HS3ST4: variants seen among roughly 807,000 people sequenced by gnomAD.
HS3ST4 encodes heparan sulfate-glucosamine 3-sulfotransferase 4, also known as heparan sulfate glucosamine 3-O-sulfotransferase 4.
In HS3ST4, 17 loss-of-function variants were observed where a neutral mutation model predicts 29.2. The ratio of observed to expected loss-of-function variants is 0.58; its 90% CI spans 0.40 to 0.87. The LOEUF (loss-of-function observed/expected upper bound fraction) is 0.87, where lower values mean the gene tolerates loss of function less well. Ranked by LOEUF, HS3ST4 falls within the 40% of genes least tolerant of loss-of-function variation. The pLI is 0.00. For missense variants in HS3ST4, 627 were observed against 634.5 expected (o/e 0.99, Z 0.13); for synonymous variants, 314 against 285.7 (o/e 1.10, Z -1.00).
chr16:26,127,297 C>A (rs1244327143), intron 1 of HS3ST4, among the ~76,000 whole-genome samples: 1 of 152,196 alleles, frequency 6.6e-6, no homozygotes, highest in Non-Finnish European at 1.5e-5. Flanking sequence ...ATCCCTGCTG[C>A]CATGCCTTAA....
At chr16:25,858,979 C>T (rs181264412) in intron 1 of HS3ST4, among the ~76,000 whole-genome samples, 2 of 152,188 alleles carry the variant, frequency 1.3e-5, no homozygotes, top group East Asian at 3.9e-4. Context: ...CTCAAACCTA[C>T]TCTTTCCTCT....
At chr16:25,876,350 A>G (rs1227973617) in intron 1 of HS3ST4, among the ~76,000 whole-genome samples, 1 of 152,136 alleles carries the variant, frequency 6.6e-6, no homozygotes, top group Non-Finnish European at 1.5e-5. Context: ...GGCCTCAGGT[A>G]TGGCTGGATT....
intron 1 of HS3ST4, among the ~76,000 whole-genome samples, chr16:25,872,641 G>A (rs1596597953): frequency 6.6e-6 from 1 of 152,318 alleles, no homozygotes; most frequent in East Asian, 1.9e-4. Context: ...CAACAAAAGA[G>A]CTAGCCCTAA....
chr16:25,784,912 C>G (rs1295094929), intron 1 of HS3ST4, among the ~76,000 whole-genome samples: 1 of 152,154 alleles, frequency 6.6e-6, no homozygotes, highest in African/African-American at 2.4e-5. Flanking sequence ...GAAGTCAATG[C>G]CTGGCTTCAA....
intron 1 of HS3ST4, among the ~76,000 whole-genome samples, chr16:25,725,876 A>G (rs1234520610): frequency 6.6e-6 from 1 of 152,116 alleles, no homozygotes; most frequent in Non-Finnish European, 1.5e-5. Flanking sequence ...TACACATAGA[A>G]TATTGTCATA....
chr16:25,779,001 TACACACAC>T (rs1056103718), intron 1 of HS3ST4, among the ~76,000 whole-genome samples: 1 of 151,422 alleles, frequency 6.6e-6, no homozygotes. Flanking sequence ...TCTGTGTCTC[TACACACAC>T]ACACACACGC....
intron 1 of HS3ST4, among the ~76,000 whole-genome samples, chr16:25,930,746 A>G (rs8060228): frequency 0.019 from 2,837 of 152,186 alleles, 120 homozygotes; most frequent in African/African-American, 0.065. Flanking sequence ...TAGCCACTCC[A>G]GATTTATGTC....
At chr16:25,763,909 A>G (rs1469616329) in intron 1 of HS3ST4, among the ~76,000 whole-genome samples, 2 of 152,216 alleles carry the variant, frequency 1.3e-5, no homozygotes, top group South Asian at 2.1e-4. Flanking sequence ...AGATGGGGAC[A>G]GGAAAGGTTG....
chr16:26,133,792 TTGTC>T (rs1475465448), intron 1 of HS3ST4, among the ~76,000 whole-genome samples: 1 of 152,224 alleles, frequency 6.6e-6, no homozygotes, highest in East Asian at 1.9e-4. Context: ...TAGGGGATCT[TTGTC>T]TGTATTAAGT....
intron 1 of HS3ST4, among the ~76,000 whole-genome samples, chr16:26,017,971 A>C (rs1969376513): frequency 6.6e-6 from 1 of 152,220 alleles, no homozygotes; most frequent in African/African-American, 2.4e-5. Flanking sequence ...ACAGGATTCT[A>C]GAATCTGTTT....
chr16:25,709,681 A>T (rs1248370563), intron 1 of HS3ST4, among the ~76,000 whole-genome samples: 1 of 151,842 alleles, frequency 6.6e-6, no homozygotes. Context: ...TCTTTAACCG[A>T]GAGGGGAAGA....
chr16:25,719,840 T>A (rs1362955603), intron 1 of HS3ST4, among the ~76,000 whole-genome samples: 2 of 152,212 alleles, frequency 1.3e-5, no homozygotes, highest in African/African-American at 2.4e-5. Flanking sequence ...TTTATTTTTT[T>A]AAAATCTGTT....
At chr16:26,132,143 T>C (rs553710139) in intron 1 of HS3ST4, among the ~76,000 whole-genome samples, 2 of 152,194 alleles carry the variant, frequency 1.3e-5, no homozygotes, top group African/African-American at 4.8e-5. Flanking sequence ...AGGAAGGGAC[T>C]GCATCCGTTT....
At chr16:25,969,279 G>A (rs112712474) in intron 1 of HS3ST4, among the ~76,000 whole-genome samples, 13,365 of 152,286 alleles carry the variant, frequency 0.088, 777 homozygotes, top group Non-Finnish European at 0.12. Context: ...TGTGGGCCCA[G>A]TGTTTTTGGA....
intron 1 of HS3ST4, among the ~76,000 whole-genome samples, chr16:26,071,394 GA>G (rs1002617076): frequency 6.6e-5 from 10 of 152,084 alleles, no homozygotes; most frequent in Non-Finnish European, 1.2e-4. Flanking sequence ...AGGGGTTGAG[GA>G]ATCTAAGTCC....
At chr16:25,963,706 T>C (rs1268572794) in intron 1 of HS3ST4, among the ~76,000 whole-genome samples, 1 of 152,254 alleles carries the variant, frequency 6.6e-6, no homozygotes, top group Non-Finnish European at 1.5e-5. Context: ...TCTACATTCT[T>C]GTCCTTTGCA....
chr16:25,802,287 A>T (rs1037337230), intron 1 of HS3ST4, among the ~76,000 whole-genome samples: 10 of 152,176 alleles, frequency 6.6e-5, no homozygotes, highest in Admixed American at 3.3e-4. Flanking sequence ...TTGGTGAAAG[A>T]ACTGAGGTGC....
intron 1 of HS3ST4, among the ~76,000 whole-genome samples, chr16:25,791,617 T>A (rs1966869452): frequency 2.0e-5 from 3 of 152,204 alleles, no homozygotes; most frequent in African/African-American, 7.2e-5. Flanking sequence ...TTGTATAGAG[T>A]TTTATGTATC....
At chr16:25,934,445 T>C (rs1567275713) in intron 1 of HS3ST4, among the ~76,000 whole-genome samples, 2 of 152,218 alleles carry the variant, frequency 1.3e-5, no homozygotes, top group Non-Finnish European at 2.9e-5. Context: ...AACGAGCAAC[T>C]ATGACTTTTT....
Sources: allele counts gnomAD v4.1 joint callset (sites outside exome capture counted in the v4.1 genomes callset), GRCh38; gene constraint gnomAD v4.1.1; transcripts MANE v1.5; gene names NCBI Gene and HGNC (gene_info 2026-07-23, HGNC 2026-07-21).